ADGRE3: variants seen among roughly 807,000 people sequenced by gnomAD.
ADGRE3 encodes adhesion G protein-coupled receptor E3, also known as EGF-like module receptor 3.
Under a neutral mutation model 80.1 loss-of-function variants are expected in ADGRE3, and 88 were observed. The observed-to-expected ratio is 1.10, with a 90% CI of 0.93 to 1.31. The LOEUF is 1.31. ADGRE3 is among the 40% of genes most tolerant of loss of function. The probability of loss-of-function intolerance (pLI) is 0.00; values close to 1 mark genes in which losing one functional copy is unlikely to be tolerated. For synonymous variants in ADGRE3, 281 were observed against 294.8 expected (o/e 0.95, Z 0.48); for missense variants, 715 against 776.5 (o/e 0.92, Z 0.94).
chr19:14,608,470 C>T, the ADGRE3 span, among the ~76,000 whole-genome samples: 3 of 152,068 alleles, frequency 2.0e-5, no homozygotes, highest in Non-Finnish European at 4.4e-5. Context: ...ACAGGGACAG[C>T]ACCAGGGTGA....
rs565969361 is a variant in ADGRE3 at position 14,620,514 on chromosome 19, G to T, written c.1921-1043C>A. 3.5e-3 allele frequency among the ~76,000 whole-genome samples: 136 copies of T among 38,434 alleles called. 4 individuals carry two copies. Among genetic ancestry groups the T allele is most frequent in the Middle Eastern group, 0.017 (1 of 60 alleles). 25.2% of individuals were successfully genotyped at this position (38,434 alleles called of 152,430 possible). A position where few individuals can be genotyped will look rare whatever the true frequency, so the allele number is the denominator to read the frequency against. ...ATATATGAATATATGAATATATTATGACTATATATGAATATATATATTTTA... is the reference window on the plus strand; with the variant it reads ...ATATATGAATATATGAATATATTATTACTATATATGAATATATATATTTTA... On this transcript the variant is annotated intron_variant, in intron 15 of 15. Transcript: ENST00000253673.
rs376576086 is a variant in ADGRE3, at chr19:14,624,934, G to C, written c.1920+558C>G. On this transcript the variant is annotated intron_variant, in intron 15 of 15. Transcript: ENST00000253673. ...TGGGGCCTGTTAGGGGACGTTGGAG[G>C]GGGGAGAGCATTAGGGAAAAGAGCC... Among the ~76,000 whole-genome samples, 5 of 151,552 alleles carry C rather than the reference G, an allele frequency of 3.3e-5. No individual in the cohort carries two copies. In the South Asian group the frequency reaches 6.3e-4, roughly 19 times the overall value.
chr19:14,670,090 A>T (rs1218512631), intron 1 of ADGRE3, among the ~76,000 whole-genome samples: 1 of 152,192 alleles, frequency 6.6e-6, no homozygotes, highest in Admixed American at 6.5e-5. Context: ...TTGTTTTGTT[A>T]TCACTCTTGG....
chr19:14,625,495 A>T lies in ADGRE3; in HGVS notation c.1917T>A (p.Ser639Arg). ...SSKMGPDSKP[S>R]EGDVFPGQVK... The stretch of plus-strand genomic sequence containing the variant: ...ACAATTCAGATGTTTCACTTACCTC[A>T]CTGGGTTTTGAGTCAGGACCCATCT... Residue 639 changes from serine to arginine, a missense_variant, in exon 15 of 16, where the codon AGT becomes AGA. Ser to Arg is a moderately radical substitution (Grantham distance 110, BLOSUM62 -1). Transcript: ENST00000253673. The T allele has an allele frequency of 6.3e-7, 1 of 1,590,040 alleles. No homozygotes were observed. Among genetic ancestry groups the T allele is most frequent in the Non-Finnish European group, 8.6e-7 (1 of 1,158,098 alleles).
rs1841725567 is a variant in ADGRE3 at position 14,633,379 on chromosome 19, T to C, written c.1485-77A>G. 4.6e-6 allele frequency: 5 copies of C among 1,084,284 alleles called. No homozygotes were observed. In the South Asian group the frequency reaches 7.3e-5, roughly 16 times the overall value. The allele number at this position is 1,084,284 out of a possible 1,614,324, so 67.2% of individuals were successfully genotyped here. A position where few individuals can be genotyped will look rare whatever the true frequency, so the allele number is the denominator to read the frequency against. On this transcript the variant is annotated intron_variant, in intron 11 of 15. Transcript: ENST00000253673. ...GATCAACATAAAGTGTCTCTTTTCCTACCAGAGAATTGTTTCCAGTTTCTC... is the reference window on the plus strand; with the variant it reads ...GATCAACATAAAGTGTCTCTTTTCCCACCAGAGAATTGTTTCCAGTTTCTC...
chr19:14,605,270 A>G, the ADGRE3 span, among the ~76,000 whole-genome samples: 1 of 151,732 alleles, frequency 6.6e-6, no homozygotes, highest in East Asian at 2.0e-4. Context: ...TAATTTTTGT[A>G]TTTTTAGTAG....
At chr19:14,620,494 T>C (rs538827853) in intron 15 of ADGRE3, among the ~76,000 whole-genome samples, 2 of 40,676 alleles carry the variant, frequency 4.9e-5, no homozygotes, top group South Asian at 1.8e-3. Flanking sequence ...TGAATATATA[T>C]GAATATATGA....
At chr19:14,617,133 T>G (rs923190103), downstream of ADGRE3, among the ~76,000 whole-genome samples, 5 of 151,944 alleles carry the variant, frequency 3.3e-5, no homozygotes, top group Non-Finnish European at 7.4e-5. Flanking sequence ...GGAGGAGAGA[T>G]AGAGTGGCTA....
In ADGRE3 at chr19:14,628,185, T is replaced by A. The variant is rs534948698; in HGVS notation, c.1812+1854A>T. Among the ~76,000 whole-genome samples, 10 of 151,600 alleles carry A rather than the reference T, an allele frequency of 6.6e-5. 1 individual carries two copies. The South Asian group carries it at 2.1e-3, about 32-fold the overall frequency. ...AACGAATAACAAAAACTGGATGCTA[T>A]GATATGCCTCACAAACTGAGATAAA... is the stretch of plus-strand genomic sequence containing the variant. On this transcript the variant is annotated intron_variant, in intron 14 of 15. Transcript: ENST00000253673.
At chr19:14,620,568 A>ATATTTTTTTTTTT (rs1435435269) in intron 15 of ADGRE3, among the ~76,000 whole-genome samples, 3 of 11,050 alleles carry the variant, frequency 2.7e-4, no homozygotes, top group Admixed American at 2.0e-3. Flanking sequence ...ATATATATAT[A>ATATTTTTTTTTTT]TTTTTTTTTT....
chr19:14,624,756 TAA>T (rs796369865), intron 15 of ADGRE3, among the ~76,000 whole-genome samples: 42 of 132,052 alleles, frequency 3.2e-4, no homozygotes, highest in Admixed American at 3.1e-4. Context: ...CCCTGTCTCT[TAA>T]AAAAAAAAAA....
chr19:14,628,707 G>A, intron 14 of ADGRE3: 2 of 386,114 alleles, frequency 5.2e-6, no homozygotes, highest in South Asian at 2.2e-5. Flanking sequence ...TGCAATAGCA[G>A]ACTGGGATGG....
downstream of ADGRE3, among the ~76,000 whole-genome samples, chr19:14,616,742 G>GAGGT (rs1284523989): frequency 4.6e-5 from 7 of 151,804 alleles, no homozygotes; most frequent in African/African-American, 1.7e-4. Flanking sequence ...GAACAGTGAG[G>GAGGT]AGGTTGGAGC....
Position 14,644,079 on chromosome 19 carries a change from G to T in ADGRE3, c.1050+29C>A, listed in dbSNP as rs140585303. On this transcript the variant is annotated intron_variant, in intron 9 of 15. Coordinates refer to ENST00000253673, the MANE Select transcript of ADGRE3 (RefSeq NM_032571.5). The stretch of plus-strand genomic sequence containing the variant: ...CTTAGTAGGGGCTCAGAAAGTATTT[G>T]CTGGAAGAATAAAACATATACATCA... The T allele has an allele frequency of 4.9e-4, 659 of 1,343,382 alleles. 9 individuals carry two copies. In the East Asian group the frequency reaches 0.015, roughly 31 times the overall value. The allele number at this position is 1,343,382 out of a possible 1,614,324, so 83.2% of individuals were successfully genotyped here.
intron 2 of ADGRE3, 104 bp downstream of exon 2, chr19:14,668,698 T>C (rs777622041): frequency 4.9e-6 from 4 of 813,322 alleles, no homozygotes; most frequent in South Asian, 4.7e-5. Context: ...TTCCCAAATA[T>C]TGCTCTCAGA....
In ADGRE3 at chr19:14,647,259, C is replaced by G; in HGVS notation, c.804G>C (p.Gln268His). 1 of 1,613,232 alleles carries G rather than the reference C, an allele frequency of 6.2e-7. No individual in the cohort carries two copies. Among genetic ancestry groups the G allele is most frequent in the South Asian group, 1.1e-5 (1 of 91,062 alleles). Residue 268 changes from glutamine (Q) to histidine (H), a missense_variant, in exon 8 of 16, where the codon CAG (glutamine) becomes CAC (histidine). Transcript: ENST00000253673. ...DKKDQVYLNS[Q>H]VVSAAIGPKR... ...TGGGTCCAATAGCAGCACTCACAAC[C>G]TGAGAGTTCAGATACACTTGATCTT...
the ADGRE3 span, among the ~76,000 whole-genome samples, chr19:14,605,332 G>A: frequency 2.0e-5 from 3 of 151,256 alleles, no homozygotes; most frequent in Non-Finnish European, 4.4e-5. Context: ...CTGACCTCAG[G>A]TGATCCACCT....
At position 14,651,223 on chromosome 19, in the gene ADGRE3, G is replaced by A. The variant is rs888760661; in HGVS notation, c.578-19C>T. ...TCAATAGCTGGTAAGAAAAGCAATG[G>A]GCAGGCTTAGTGATATTGTAAGAAA... On this transcript the variant is annotated intron_variant, in intron 6 of 15. Coordinates refer to ENST00000253673, the MANE Select transcript of ADGRE3 (RefSeq NM_032571.5). 3 of 1,613,700 alleles carry A rather than the reference G, an allele frequency of 1.9e-6. No individual in the cohort carries two copies. The highest frequency in any genetic ancestry group is 2.5e-6 in the Non-Finnish European group (3 of 1,179,816).
intron 10 of ADGRE3, among the ~76,000 whole-genome samples, chr19:14,638,703 G>A (rs1971168484): frequency 6.6e-6 from 1 of 152,002 alleles, no homozygotes; most frequent in African/African-American, 2.4e-5. Flanking sequence ...CTCCACCTAT[G>A]CCACTTTGCA....
Sources: allele counts gnomAD v4.1 joint callset (sites outside exome capture counted in the v4.1 genomes callset), GRCh38; gene constraint gnomAD v4.1.1; transcripts MANE v1.5; gene names NCBI Gene and HGNC (gene_info 2026-07-23, HGNC 2026-07-21).